Variants in ATP6V0D2 observed in about 807,000 individuals in gnomAD.
The protein encoded by ATP6V0D2 is V-type proton ATPase subunit d 2.
In ATP6V0D2, 40 loss-of-function variants were observed where a neutral mutation model predicts 40.0. The observed-to-expected ratio is 1.00, with a 90% CI of 0.78 to 1.30. The LOEUF (loss-of-function observed/expected upper bound fraction) is 1.30. Ranked by LOEUF, ATP6V0D2 falls within the 50% of genes most tolerant of loss-of-function variation. The pLI, the probability that ATP6V0D2 is intolerant of heterozygous loss-of-function variation, is 0.00. For synonymous variants in ATP6V0D2, 179 were observed against 156.3 expected (o/e 1.15, Z -1.08); for missense variants, 470 against 423.1 (o/e 1.11, Z -0.97).
intron 2 of ATP6V0D2, among the ~76,000 whole-genome samples, chr8:86,135,319 G>T (rs1206076682): frequency 6.6e-6 from 1 of 152,162 alleles, no homozygotes; most frequent in Non-Finnish European, 1.5e-5. Flanking sequence ...ATATATTATA[G>T]TTTTCTTTGA....
intron 1 of ATP6V0D2, among the ~76,000 whole-genome samples, chr8:86,101,178 G>A (rs1013230213): frequency 4.0e-5 from 6 of 151,098 alleles, no homozygotes; most frequent in African/African-American, 1.5e-4. Flanking sequence ...TAGAAAATAG[G>A]TCGGGTATAG....
chr8:86,121,864 T>C (rs1284821917), intron 2 of ATP6V0D2, among the ~76,000 whole-genome samples: 2 of 152,174 alleles, frequency 1.3e-5, no homozygotes, highest in Non-Finnish European at 2.9e-5. Flanking sequence ...TTAGAGACAG[T>C]CTAAATTTAA....
At chr8:86,142,456 C>T (rs1818987930) in intron 4 of ATP6V0D2, among the ~76,000 whole-genome samples, 1 of 152,230 alleles carries the variant, frequency 6.6e-6, no homozygotes, top group Non-Finnish European at 1.5e-5. Flanking sequence ...TCTGACCCTA[C>T]AGCCTTTCCC....
At chr8:86,110,239 C>T (rs758085956) in intron 1 of ATP6V0D2, among the ~76,000 whole-genome samples, 25 of 152,180 alleles carry the variant, frequency 1.6e-4, no homozygotes, top group Admixed American at 2.6e-4. Flanking sequence ...GGATTACAGG[C>T]GCACACCACC....
intron 5 of ATP6V0D2, among the ~76,000 whole-genome samples, chr8:86,145,360 AGGAAGGAAGG>A (rs1465551868): frequency 8.2e-6 from 1 of 121,698 alleles, no homozygotes; most frequent in African/African-American, 3.4e-5. Flanking sequence ...GAAGGAAGGA[AGGAAGGAAGG>A]AAGGAAAGAA....
At chr8:86,135,241 T>C (rs1309348157) in intron 2 of ATP6V0D2, among the ~76,000 whole-genome samples, 1 of 152,238 alleles carries the variant, frequency 6.6e-6, no homozygotes, top group Non-Finnish European at 1.5e-5. Flanking sequence ...TACCAAATTA[T>C]GGCTCTATAA....
chr8:86,145,318 G>GA (rs1414479266), intron 5 of ATP6V0D2, among the ~76,000 whole-genome samples: 48 of 41,522 alleles, frequency 1.2e-3, no homozygotes, highest in African/African-American at 2.2e-3. Flanking sequence ...AGAAAAGAAA[G>GA]AAGGAAAGAA....
At chr8:86,127,241 G>A (rs1019948566) in intron 2 of ATP6V0D2, among the ~76,000 whole-genome samples, 2 of 152,120 alleles carry the variant, frequency 1.3e-5, no homozygotes, top group African/African-American at 4.8e-5. Flanking sequence ...AAGCATATGT[G>A]GTTAGTGCTG....
chr8:86,107,140 C>T (rs573897598), intron 1 of ATP6V0D2, among the ~76,000 whole-genome samples: 22 of 152,054 alleles, frequency 1.4e-4, no homozygotes, highest in African/African-American at 5.1e-4. Context: ...TGGTTCAAAC[C>T]TATTGATAGC....
At chr8:86,135,412 G>T (rs1818883707) in intron 2 of ATP6V0D2, among the ~76,000 whole-genome samples, 1 of 152,170 alleles carries the variant, frequency 6.6e-6, no homozygotes, top group African/African-American at 2.4e-5. Context: ...TCTGGCTTGA[G>T]CTCTTTTATC....
chr8:86,127,882 G>A (rs1274521165), intron 2 of ATP6V0D2, among the ~76,000 whole-genome samples: 1 of 152,160 alleles, frequency 6.6e-6, no homozygotes, highest in Non-Finnish European at 1.5e-5. Flanking sequence ...GGCCTCCTAG[G>A]TAGAAAGGAA....
Position 86,098,956 on chromosome 8 carries a change from C to A in ATP6V0D2, c.-23C>A. 1 of 1,611,410 alleles carries A rather than the reference C, an allele frequency of 6.2e-7. No homozygotes were observed. Among genetic ancestry groups the A allele is most frequent in the Non-Finnish European group, 8.5e-7 (1 of 1,178,810 alleles). ...AGGACTACAGAGCTGTTTCACCCTA[C>A]CTTGGCTTCAATCTCTTCCCCCATG... On this transcript the variant is annotated 5_prime_UTR_variant, in exon 1 of 8. Transcript: ENST00000285393.
At chr8:86,112,508 T>C (rs1332483434) in intron 1 of ATP6V0D2, among the ~76,000 whole-genome samples, 2 of 152,124 alleles carry the variant, frequency 1.3e-5, no homozygotes, top group Admixed American at 6.6e-5. Flanking sequence ...CATTTTTACC[T>C]CATAAAATTG....
intron 2 of ATP6V0D2, among the ~76,000 whole-genome samples, chr8:86,115,059 T>C (rs1183633490): frequency 6.6e-6 from 1 of 152,092 alleles, no homozygotes; most frequent in Non-Finnish European, 1.5e-5. Flanking sequence ...AGTAGGAAAT[T>C]AGAGACATGT....
chr8:86,139,336 G>A, intron 2 of ATP6V0D2, 121 bp from the exon 3 acceptor site: 3 of 731,448 alleles, frequency 4.1e-6, no homozygotes, highest in South Asian at 5.8e-5. Flanking sequence ...AAAATAAAAA[G>A]AGACTCATGT....
chr8:86,149,054 AG>A lies in ATP6V0D2; in HGVS notation c.640-1057del, dbSNP rs67092867. ...AGAGTGAGACCCAATCTCCAAAGGA[AG>A]AAAAAAAAAAAAAAAAAAAACCAAT... On this transcript the variant is annotated intron_variant, in intron 5 of 7. Transcript: ENST00000285393. Among the ~76,000 whole-genome samples, 357 of 144,118 alleles carry A rather than the reference AG, an allele frequency of 2.5e-3. 38 individuals carry two copies. The highest frequency in any genetic ancestry group is 0.011 in the East Asian group (56 of 4,994). 94.5% of individuals were successfully genotyped at this position (144,118 alleles called of 152,430 possible).
intron 5 of ATP6V0D2, among the ~76,000 whole-genome samples, chr8:86,143,828 T>G (rs1225849008): frequency 6.6e-6 from 1 of 152,138 alleles, no homozygotes; most frequent in African/African-American, 2.4e-5. Flanking sequence ...TCTGACACTA[T>G]GAGCAATGGA....
chr8:86,129,982 G>GAAAAAAAAAAAAAAAAAAA (rs869058078), intron 2 of ATP6V0D2, among the ~76,000 whole-genome samples: 1 of 92,896 alleles, frequency 1.1e-5, no homozygotes, highest in Non-Finnish European at 2.2e-5. Flanking sequence ...GTCTCGAAAA[G>GAAAAAAAAAAAAAAAAAAA]AAAAAAAAAA....
At chr8:86,115,478 C>T (rs977513088) in intron 2 of ATP6V0D2, among the ~76,000 whole-genome samples, 1 of 143,762 alleles carries the variant, frequency 7.0e-6, no homozygotes, top group Admixed American at 7.5e-5. Context: ...AAGAGATTTT[C>T]CTGCCTCAGC....
Sources: gnomAD v4.1 joint callset for allele counts (sites outside exome capture counted in the v4.1 genomes callset) on GRCh38, gnomAD v4.1.1 for gene constraint, MANE v1.5 for transcripts, NCBI Gene and HGNC (gene_info 2026-07-23, HGNC 2026-07-21) for gene names.